Variants in COX7B2 observed in about 807,000 individuals in gnomAD.
COX7B2 encodes the protein cytochrome c oxidase subunit 7B2, mitochondrial.
For missense variants in COX7B2, 109 were observed against 95.9 expected (o/e 1.14, Z -0.57); for synonymous variants, 37 against 32.1 (o/e 1.15, Z -0.51).
At chr4:46,770,058 A>T (rs534719028) in intron 2 of COX7B2, among the ~76,000 whole-genome samples, 76 of 152,266 alleles carry the variant, frequency 5.0e-4, no homozygotes, top group African/African-American at 1.8e-3. Flanking sequence ...AAAAATTAAA[A>T]TTTTCTGTTT....
chr4:46,879,761 A>G (rs1577690148), intron 1 of COX7B2, among the ~76,000 whole-genome samples: 1 of 150,350 alleles, frequency 6.7e-6, no homozygotes, highest in Non-Finnish European at 1.5e-5. Flanking sequence ...TTTTGTTTTT[A>G]TAGTTCATTT....
intron 1 of COX7B2, among the ~76,000 whole-genome samples, chr4:46,907,848 C>CTTTTTTTTTGTTTTTTTTTT (rs1720494851): frequency 1.7e-5 from 1 of 59,730 alleles, no homozygotes; most frequent in African/African-American, 6.4e-5. Context: ...TTTGAGCAGA[C>CTTTTTTTTTGTTTTTTTTTT]TTTTTTTTTT....
At chr4:46,876,050 T>C (rs185734177) in intron 1 of COX7B2, among the ~76,000 whole-genome samples, 170 of 152,306 alleles carry the variant, frequency 1.1e-3, no homozygotes, top group African/African-American at 3.9e-3. Context: ...ACATGAATAT[T>C]CATTATGCAA....
At chr4:46,804,461 T>C (rs780910968) in intron 2 of COX7B2, among the ~76,000 whole-genome samples, 1 of 152,154 alleles carries the variant, frequency 6.6e-6, no homozygotes, top group South Asian at 2.1e-4. Context: ...AGGGTGCTGA[T>C]TGGTGTGTTT....
At chr4:46,827,196 G>A (rs1714755229) in intron 2 of COX7B2, among the ~76,000 whole-genome samples, 1 of 151,788 alleles carries the variant, frequency 6.6e-6, no homozygotes, top group African/African-American at 2.4e-5. Flanking sequence ...GAAATAAAAG[G>A]CTATAATCTT....
chr4:46,757,074 G>A (rs1230174786), intron 2 of COX7B2, among the ~76,000 whole-genome samples: 1 of 151,912 alleles, frequency 6.6e-6, no homozygotes, highest in Non-Finnish European at 1.5e-5. Context: ...ATTAAAAAGT[G>A]CTATCTATAT....
intron 2 of COX7B2, among the ~76,000 whole-genome samples, chr4:46,819,533 A>C (rs1714122954): frequency 6.9e-6 from 1 of 145,076 alleles, no homozygotes; most frequent in Admixed American, 7.3e-5. Context: ...ACGATAGCTG[A>C]TGAGCTAAAA....
chr4:46,763,588 C>T (rs1716351927), intron 2 of COX7B2, among the ~76,000 whole-genome samples: 1 of 152,026 alleles, frequency 6.6e-6, no homozygotes, highest in East Asian at 1.9e-4. Flanking sequence ...TTTCATCACG[C>T]TTATTTATAA....
chr4:46,830,324 CAAAAA>C (rs201868075), intron 2 of COX7B2, among the ~76,000 whole-genome samples: 3 of 82,154 alleles, frequency 3.7e-5, no homozygotes, highest in African/African-American at 4.7e-5. Context: ...ACTCTGTCTC[CAAAAA>C]AAAAAAAAAA....
chr4:46,877,213 A>G (rs1718398746), intron 1 of COX7B2, among the ~76,000 whole-genome samples: 1 of 152,232 alleles, frequency 6.6e-6, no homozygotes, highest in African/African-American at 2.4e-5. Context: ...GGAATAAGTA[A>G]TAAGTATTAC....
At chr4:46,791,604 C>T (rs1405540815) in intron 2 of COX7B2, among the ~76,000 whole-genome samples, 3 of 152,180 alleles carry the variant, frequency 2.0e-5, no homozygotes, top group Non-Finnish European at 4.4e-5. Flanking sequence ...TGTTGGGCAG[C>T]TATTTTTCTA....
chr4:46,858,770 T>C (rs1311208053), intron 1 of COX7B2, among the ~76,000 whole-genome samples: 1 of 152,188 alleles, frequency 6.6e-6, no homozygotes, highest in Non-Finnish European at 1.5e-5. Context: ...GTCACAGCCT[T>C]AGACTTCAGT....
rs370147175 is a variant in COX7B2, at chr4:46,823,404, T to C, written c.-50+21556A>G. On this transcript the variant is annotated intron_variant, in intron 2 of 2. Coordinates refer to ENST00000355591, the MANE Select transcript of COX7B2 (RefSeq NM_130902.3). ...TTTAAGAAATTTAAAATGATAGAAATGAACAAAGTACATTTCTAGCCCATA... is the reference window on the plus strand; with the variant it reads ...TTTAAGAAATTTAAAATGATAGAAACGAACAAAGTACATTTCTAGCCCATA... 4.0e-5 allele frequency among the ~76,000 whole-genome samples: 6 copies of C among 151,612 alleles called. No individual in the cohort carries two copies. In the East Asian group the frequency reaches 7.7e-4, roughly 20 times the overall value.
At chr4:46,755,399 C>G (rs935516801) in intron 2 of COX7B2, among the ~76,000 whole-genome samples, 1 of 151,586 alleles carries the variant, frequency 6.6e-6, no homozygotes, top group African/African-American at 2.4e-5. Flanking sequence ...AATCTAAGTT[C>G]TAGAACAAGA....
At chr4:46,766,944 A>T (rs1459735911) in intron 2 of COX7B2, among the ~76,000 whole-genome samples, 2 of 152,226 alleles carry the variant, frequency 1.3e-5, no homozygotes, top group African/African-American at 4.8e-5. Context: ...AGAGAGGAAG[A>T]AAAACACAAA....
chr4:46,878,225 C>T (rs1408924438), intron 1 of COX7B2, among the ~76,000 whole-genome samples: 1 of 151,560 alleles, frequency 6.6e-6, no homozygotes, highest in Non-Finnish European at 1.5e-5. Context: ...AACAGTAGAA[C>T]AGTGGTTACC....
intron 1 of COX7B2, among the ~76,000 whole-genome samples, chr4:46,856,470 G>T (rs894977283): frequency 3.3e-5 from 5 of 152,102 alleles, no homozygotes; most frequent in Non-Finnish European, 5.9e-5. Context: ...CATGGACTAA[G>T]GTAATTTGTC....
chr4:46,738,383 T>G (rs997221494), intron 2 of COX7B2, among the ~76,000 whole-genome samples: 1 of 152,100 alleles, frequency 6.6e-6, no homozygotes, highest in Non-Finnish European at 1.5e-5. Context: ...CTTGAACCAG[T>G]AAGTCTATTA....
At chr4:46,820,971 A>G (rs1276018302) in intron 2 of COX7B2, among the ~76,000 whole-genome samples, 2 of 152,156 alleles carry the variant, frequency 1.3e-5, no homozygotes, top group East Asian at 1.9e-4. Flanking sequence ...CAGAATTACT[A>G]CAGTCGAAAC....
Sources: allele counts gnomAD v4.1 joint callset (sites outside exome capture counted in the v4.1 genomes callset), GRCh38; gene constraint gnomAD v4.1.1; transcripts MANE v1.5; gene names NCBI Gene and HGNC (gene_info 2026-07-23, HGNC 2026-07-21).